CLASP1: variants seen among roughly 807,000 people sequenced by gnomAD.
The protein encoded by CLASP1 is cytoplasmic linker associated protein 1.
A neutral mutation model predicts 192.3 loss-of-function variants in CLASP1; 38 were observed. That is an observed-to-expected ratio of 0.20 (90% confidence interval 0.15 to 0.26). CLASP1 has a LOEUF of 0.26. Ranked by LOEUF, CLASP1 falls within the 10% of genes least tolerant of loss-of-function variation. The pLI is 1.00. For missense variants in CLASP1, 1,433 were observed against 1,932.5 expected, an observed-to-expected ratio of 0.74 and a Z score of 4.85; for synonymous variants, 691 against 712.8, an observed-to-expected ratio of 0.97 and a Z score of 0.49.
intron 19 of CLASP1, among the ~76,000 whole-genome samples, chr2:121,446,912 C>G (rs1161956352): frequency 6.6e-6 from 1 of 152,162 alleles, no homozygotes; most frequent in African/African-American, 2.4e-5. Context: ...TGGTTATATT[C>G]TCAAATTGAG....
In CLASP1 at chr2:121,606,031, G is replaced by A. The variant is rs2064374873; in HGVS notation, c.-136C>T. On this transcript the variant is annotated 5_prime_UTR_variant, in exon 2 of 40. Transcript: ENST00000263710. ...CCTGTGTTTCAAAGATGCAATCTGGGGAATGGCAACAATGCACCATGTGTG... is the reference window on the plus strand; with the variant it reads ...CCTGTGTTTCAAAGATGCAATCTGGAGAATGGCAACAATGCACCATGTGTG... 3 of 697,594 alleles carry A rather than the reference G, an allele frequency of 4.3e-6. No homozygotes were observed. In the East Asian group the frequency reaches 8.1e-5, roughly 19 times the overall value. The allele number at this position is 697,594 out of a possible 1,614,324, so 43.2% of individuals were successfully genotyped here.
intron 9 of CLASP1, among the ~76,000 whole-genome samples, chr2:121,467,495 T>C (rs892381424): frequency 6.6e-6 from 1 of 152,212 alleles, no homozygotes; most frequent in African/African-American, 2.4e-5. Context: ...TTTTTAATAA[T>C]AGCCATTCTG....
At position 121,630,381 on chromosome 2, in the gene CLASP1, AACACACACACACACAC is replaced by A. The variant is rs60827939; in HGVS notation, c.-286+18975_-286+18990del. On this transcript the variant is annotated intron_variant, in intron 1 of 39. Coordinates refer to ENST00000263710, the Ensembl canonical transcript of CLASP1. The stretch of plus-strand genomic sequence containing the variant: ...TTGGTAGATCACCATATTGGAAAGA[AACACACACACACACAC>A]ACACACACACACACACACACACACA... Among the ~76,000 whole-genome samples, 47 of 139,066 alleles carry A rather than the reference AACACACACACACACAC, an allele frequency of 3.4e-4. 1 individual carries two copies. The highest frequency in any genetic ancestry group is 6.6e-4 in the Admixed American group (9 of 13,680). The allele number at this position is 139,066 out of a possible 152,430, so 91.2% of individuals were successfully genotyped here.
At chr2:121,633,585 T>C (rs2070216400) in intron 1 of CLASP1, among the ~76,000 whole-genome samples, 2 of 152,184 alleles carry the variant, frequency 1.3e-5, no homozygotes, top group Non-Finnish European at 2.9e-5. Context: ...CAAGAGTGCT[T>C]TCTTGCCTCT....
chr2:121,427,348 G>A (rs1334793613), intron 21 of CLASP1, 56 bp downstream of exon 21: 15 of 1,590,124 alleles, frequency 9.4e-6, no homozygotes, highest in South Asian at 2.3e-5. Flanking sequence ...ACATGGGGTC[G>A]GGGAGAATGC....
At chr2:121,361,828 C>T (rs2066464607) in intron 37 of CLASP1, among the ~76,000 whole-genome samples, 1 of 152,158 alleles carries the variant, frequency 6.6e-6, no homozygotes, top group South Asian at 2.1e-4. Flanking sequence ...GTTATTATCA[C>T]CATCATGCAA....
chr2:121,480,966 G>C (rs2092554446), intron 8 of CLASP1, among the ~76,000 whole-genome samples: 1 of 152,208 alleles, frequency 6.6e-6, no homozygotes, highest in Non-Finnish European at 1.5e-5. Context: ...CTAATGCCTG[G>C]CATGCGTCCA....
intron 2 of CLASP1, among the ~76,000 whole-genome samples, chr2:121,583,975 A>C (rs2061468658): frequency 6.6e-6 from 1 of 152,088 alleles, no homozygotes; most frequent in South Asian, 2.1e-4. Context: ...CTGCCATGTG[A>C]GGACACAGCG....
chr2:121,465,622 TC>T (rs1364835504), intron 9 of CLASP1, among the ~76,000 whole-genome samples: 1 of 152,002 alleles, frequency 6.6e-6, no homozygotes, highest in African/African-American at 2.4e-5. Flanking sequence ...TTCAATGCCA[TC>T]CCCATCAAGC....
intron 1 of CLASP1, among the ~76,000 whole-genome samples, chr2:121,625,508 C>T (rs1238712972): frequency 7.0e-6 from 1 of 142,350 alleles, no homozygotes; most frequent in African/African-American, 2.7e-5. Flanking sequence ...AATCTCGGCT[C>T]AATGCAACCT....
intron 2 of CLASP1, among the ~76,000 whole-genome samples, chr2:121,551,858 T>G (rs1317826801): frequency 6.6e-6 from 1 of 152,094 alleles, no homozygotes. Flanking sequence ...ATTTTAAAAT[T>G]CATATGGAAC....
At chr2:121,473,309 G>A (rs1402886413) in intron 8 of CLASP1, among the ~76,000 whole-genome samples, 4 of 152,076 alleles carry the variant, frequency 2.6e-5, no homozygotes. Context: ...CATAATATCT[G>A]AAATGAAAAT....
chr2:121,560,662 T>A (rs949927944), intron 2 of CLASP1, among the ~76,000 whole-genome samples: 3 of 152,188 alleles, frequency 2.0e-5, no homozygotes, highest in Non-Finnish European at 4.4e-5. Context: ...GTACCAGGCA[T>A]TTCAAGAACA....
intron 15 of CLASP1, 23 bp from the exon 16 acceptor site, chr2:121,451,013 A>G: frequency 7.0e-7 from 1 of 1,436,016 alleles, no homozygotes. Context: ...AAAAGAAAGC[A>G]GTAACAATCA....
intron 8 of CLASP1, among the ~76,000 whole-genome samples, chr2:121,496,087 T>C (rs1447469297): frequency 6.6e-6 from 1 of 152,214 alleles, no homozygotes; most frequent in Non-Finnish European, 1.5e-5. Context: ...TCCCTGACAC[T>C]GTCCACACTT....
At chr2:121,369,647 C>A (rs989191865) in intron 34 of CLASP1, among the ~76,000 whole-genome samples, 1 of 152,100 alleles carries the variant, frequency 6.6e-6, no homozygotes, top group Non-Finnish European at 1.5e-5. Flanking sequence ...CCGGTGTGCA[C>A]GCTGGCTTCT....
At chr2:121,529,800 A>T (rs1444258728) in intron 3 of CLASP1, among the ~76,000 whole-genome samples, 1 of 152,208 alleles carries the variant, frequency 6.6e-6, no homozygotes, top group African/African-American at 2.4e-5. Flanking sequence ...GTTTTATAGG[A>T]TTTCTCAAGG....
chr2:121,610,865 AGGAGGAAGGAGAGCTGGC>A lies in CLASP1; in HGVS notation c.-285-4703_-285-4686del, dbSNP rs1285911242. ...GAACTGGAGGAGGAGGAGGAGTTAC[AGGAGGAAGGAGAGCTGGC>A]GGAGGAAGAGGAGTTACAGGAGGAA... On this transcript the variant is annotated intron_variant, in intron 1 of 39. Transcript: ENST00000263710. Among the ~76,000 whole-genome samples, 394 of 144,246 alleles carry A rather than the reference AGGAGGAAGGAGAGCTGGC, an allele frequency of 2.7e-3. 1 individual carries two copies. Among genetic ancestry groups the A allele is most frequent in the East Asian group, 8.3e-3 (36 of 4,336 alleles). 94.6% of individuals were successfully genotyped at this position (144,246 alleles called of 152,430 possible).
At chr2:121,382,291 C>G (rs759088930) in exon 33 of CLASP1, 2 of 1,594,178 alleles carry the variant, frequency 1.3e-6, no homozygotes, top group Non-Finnish European at 1.7e-6. Context: ...GTGGGTGCTT[C>G]GCTAACCCGT....
Sources: gnomAD v4.1 joint callset for allele counts (sites outside exome capture counted in the v4.1 genomes callset) on GRCh38, gnomAD v4.1.1 for gene constraint, MANE v1.5 for transcripts, NCBI Gene and HGNC (gene_info 2026-07-23, HGNC 2026-07-21) for gene names.